Variants in NSUN4 observed in about 807,000 individuals in gnomAD.
The protein encoded by NSUN4 is NOP2/Sun RNA methyltransferase 4, also known as 5-cytosine rRNA methyltransferase NSUN4.
In NSUN4, 31 loss-of-function variants were observed where a neutral mutation model predicts 43.8. The observed-to-expected ratio is 0.71, with a 90% CI of 0.53 to 0.96. NSUN4 has a LOEUF of 0.96. NSUN4 is among the 40% of genes least tolerant of loss of function. NSUN4 has a pLI of 0.00. For synonymous variants in NSUN4, 167 were observed against 184.1 expected (o/e 0.91, Z 0.75); for missense variants, 439 against 475.6 (o/e 0.92, Z 0.72).
intron 4 of NSUN4, among the ~76,000 whole-genome samples, chr1:46,358,398 A>ATTTTTTTTTTT (rs34719174): frequency 1.0e-5 from 1 of 95,456 alleles, no homozygotes. Context: ...TCCTGGCCTA[A>ATTTTTTTTTTT]TTTTTTTTTT....
At chr1:46,370,491 AG>A in the NSUN4 span, 4 of 149,962 alleles carry the variant, frequency 2.7e-5, no homozygotes, top group African/African-American at 4.9e-5. Context: ...CTCTGCAGGT[AG>A]GCATAGCCAC....
At chr1:46,371,691 C>T in the NSUN4 span, among the ~76,000 whole-genome samples, 42 of 152,260 alleles carry the variant, frequency 2.8e-4, no homozygotes, top group South Asian at 2.1e-4. Context: ...CCCCCCGCCT[C>T]GGCCTCCCAA....
chr1:46,355,402 T>A (rs11211267), intron 4 of NSUN4, among the ~76,000 whole-genome samples: 6,681 of 152,242 alleles, frequency 0.044, 496 homozygotes, highest in African/African-American at 0.15. Context: ...TTAGTCCTGG[T>A]TCCATTACTT....
the NSUN4 span, among the ~76,000 whole-genome samples, chr1:46,383,153 T>C: frequency 1.3e-5 from 2 of 152,124 alleles, no homozygotes; most frequent in African/African-American, 4.8e-5. Context: ...CTGCAGGAAG[T>C]GGCTGAGCCA....
chr1:46,343,380 C>T (rs1181459440), intron 1 of NSUN4: 1 of 399,760 alleles, frequency 2.5e-6, no homozygotes, highest in Non-Finnish European at 4.4e-6. Flanking sequence ...CCCCTGTGGC[C>T]TCCATATCTA....
At chr1:46,383,494 C>T in the NSUN4 span, among the ~76,000 whole-genome samples, 4 of 133,732 alleles carry the variant, frequency 3.0e-5, no homozygotes, top group Non-Finnish European at 6.2e-5. Flanking sequence ...CTCGCTCTGT[C>T]GCCCAGGCTG....
chr1:46,384,546 G>T, the NSUN4 span, among the ~76,000 whole-genome samples: 2 of 152,132 alleles, frequency 1.3e-5, no homozygotes, highest in Non-Finnish European at 2.9e-5. Flanking sequence ...TAGCCATGCT[G>T]TAAAGGGATC....
At chr1:46,370,876 A>T in the NSUN4 span, 1 of 152,546 alleles carries the variant, frequency 6.6e-6, no homozygotes, top group Admixed American at 6.5e-5. Flanking sequence ...GATCAAGTTC[A>T]TGGTGGACAT....
intron 4 of NSUN4, among the ~76,000 whole-genome samples, chr1:46,354,116 T>C (rs1663199501): frequency 6.6e-6 from 1 of 152,150 alleles, no homozygotes. Context: ...TAAAGTTTTT[T>C]TTTTTTGAGT....
the NSUN4 span, among the ~76,000 whole-genome samples, chr1:46,383,345 A>ACCAGCCT: frequency 6.6e-6 from 1 of 151,646 alleles, no homozygotes; most frequent in Non-Finnish European, 1.5e-5. Flanking sequence ...GTGGTGCATG[A>ACCAGCCT]CCAGCCTCCT....
At chr1:46,373,876 G>A in the NSUN4 span, among the ~76,000 whole-genome samples, 2 of 151,892 alleles carry the variant, frequency 1.3e-5, no homozygotes, top group Non-Finnish European at 1.5e-5. Flanking sequence ...AAGTGGAAGT[G>A]GAAGTAGAGA....
the NSUN4 span, among the ~76,000 whole-genome samples, chr1:46,380,498 C>G: frequency 1.3e-5 from 2 of 152,242 alleles, no homozygotes; most frequent in African/African-American, 4.8e-5. Context: ...TCTCCCAACC[C>G]TCCTCCATAC....
intron 3 of NSUN4, 137 bp downstream of exon 3, chr1:46,347,212 CG>C (rs1662577807): frequency 1.2e-6 from 1 of 822,752 alleles, no homozygotes; most frequent in East Asian, 2.8e-5. Flanking sequence ...CCGAGGGAGG[CG>C]GACCACCTGA....
chr1:46,368,899 C>CT (rs1300010020), downstream of NSUN4, among the ~76,000 whole-genome samples: 2 of 152,098 alleles, frequency 1.3e-5, no homozygotes, highest in African/African-American at 4.8e-5. Flanking sequence ...CAGAAAGATC[C>CT]TTTGTTCTCT....
chr1:46,375,967 G>A, the NSUN4 span, among the ~76,000 whole-genome samples: 1 of 151,274 alleles, frequency 6.6e-6, no homozygotes, highest in African/African-American at 2.4e-5. Flanking sequence ...TTAGCCGGGG[G>A]TGGTGGCACA....
chr1:46,346,959 A>T lies in NSUN4; in HGVS notation c.476A>T (p.Asp159Val), dbSNP rs774974601. ...GGTGTCATGGAGTACTACCTGATGG[A>T]TGCTGCCTCCTTGCTGCCTGTTCTG... is the stretch of plus-strand genomic sequence containing the variant. ...SLGVMEYYLMDAASLLPVLAL... is the reference protein window; with the variant it reads ...SLGVMEYYLMVAASLLPVLAL... Residue 159 changes from aspartate to valine, a missense_variant, in exon 3 of 6, where the codon GAT becomes GTT. Transcript: ENST00000474844. The T allele has an allele frequency of 4.8e-5, 78 of 1,613,974 alleles. No individual in the cohort carries two copies. Among genetic ancestry groups the T allele is most frequent in the Non-Finnish European group, 5.8e-5 (69 of 1,180,006 alleles).
rs112974748 is a variant in NSUN4 at position 46,347,859 on chromosome 1, C to CTTTTTTTTTTTTT, written c.592+795_592+796insTTTTTTTTTTTTT. Among the ~76,000 whole-genome samples the CTTTTTTTTTTTTT allele has an allele frequency of 6.9e-4, 99 of 142,980 alleles. 1 individual carries two copies. The highest frequency in any genetic ancestry group is 1.2e-3 in the Non-Finnish European group (76 of 65,458). The allele number at this position is 142,980 out of a possible 152,430, so 93.8% of individuals were successfully genotyped here. On this transcript the variant is annotated intron_variant, in intron 3 of 5. Transcript: ENST00000474844. ...TGGCTGTCCAAATCCTTTTGACTTT[C>CTTTTTTTTTTTTT]TTTTTTTTTTTCTTTCTTTTTTTTT...
At chr1:46,367,430 T>C (rs185772508), downstream of NSUN4, among the ~76,000 whole-genome samples, 3 of 152,360 alleles carry the variant, frequency 2.0e-5, no homozygotes, top group Non-Finnish European at 4.4e-5. Context: ...GCCTATTTAT[T>C]ATAAAACTTT....
intron 2 of NSUN4, among the ~76,000 whole-genome samples, chr1:46,345,733 G>A (rs1569737872): frequency 6.6e-6 from 1 of 152,214 alleles, no homozygotes; most frequent in East Asian, 1.9e-4. Context: ...CAATCCTCAT[G>A]TATATGAAGT....
Sources: allele counts gnomAD v4.1 joint callset (sites outside exome capture counted in the v4.1 genomes callset), GRCh38; gene constraint gnomAD v4.1.1; transcripts MANE v1.5; gene names NCBI Gene and HGNC (gene_info 2026-07-23, HGNC 2026-07-21).